Variants in SLC24A4 observed in about 807,000 individuals in gnomAD.
SLC24A4 encodes the protein solute carrier family 24 member 4.
Under a neutral mutation model 79.0 loss-of-function variants are expected in SLC24A4, and 53 were observed. The observed-to-expected ratio is 0.67, with a 90% CI of 0.54 to 0.84. The LOEUF (loss-of-function observed/expected upper bound fraction) is 0.84. Ranked by LOEUF, SLC24A4 falls within the 40% of genes least tolerant of loss-of-function variation. The pLI is 0.00. For missense variants in SLC24A4, 731 were observed against 822.0 expected, an observed-to-expected ratio of 0.89 and a Z score of 1.35; for synonymous variants, 323 against 323.8, an observed-to-expected ratio of 1.00 and a Z score of 0.03.
At position 92,493,771 on chromosome 14, in the gene SLC24A4, G is replaced by C. The variant is rs552179985; in HGVS notation, c.*143G>C. The stretch of plus-strand genomic sequence containing the variant: ...ACACACTGGAAGGAAGAGCCATCGT[G>C]GTCTTTGTCTGGCCACAGGCCAGGC... On this transcript the variant is annotated 3_prime_UTR_variant, in exon 17 of 17. Coordinates refer to ENST00000532405, the MANE Select transcript of SLC24A4 (RefSeq NM_153646.4). 6 of 1,028,842 alleles carry C rather than the reference G, an allele frequency of 5.8e-6. No homozygotes were observed. The highest frequency in any genetic ancestry group is 2.6e-5 in the East Asian group (1 of 37,980). 63.7% of individuals were successfully genotyped at this position (1,028,842 alleles called of 1,614,324 possible). A position where few individuals can be genotyped will look rare whatever the true frequency, so the allele number is the denominator to read the frequency against.
At chr14:92,364,737 G>A (rs551406430) in intron 2 of SLC24A4, among the ~76,000 whole-genome samples, 1 of 152,322 alleles carries the variant, frequency 6.6e-6, no homozygotes, top group South Asian at 2.1e-4. Context: ...ATCACCCAGA[G>A]GATCTCAGAG....
chr14:92,444,581 G>A (rs1053171254), intron 7 of SLC24A4, among the ~76,000 whole-genome samples: 15 of 152,206 alleles, frequency 9.9e-5, no homozygotes, highest in African/African-American at 2.9e-4. Context: ...AAGGCTGGGC[G>A]CGGTGGCTCA....
At chr14:92,340,591 G>T (rs1005371491) in intron 2 of SLC24A4, among the ~76,000 whole-genome samples, 71 of 152,262 alleles carry the variant, frequency 4.7e-4, no homozygotes, top group East Asian at 9.7e-4. Context: ...ACCTGCAGGG[G>T]GCTGGGCTTT....
At chr14:92,363,584 C>A (rs1350543075) in intron 2 of SLC24A4, among the ~76,000 whole-genome samples, 1 of 152,216 alleles carries the variant, frequency 6.6e-6, no homozygotes, top group East Asian at 1.9e-4. Flanking sequence ...GTAATCCCAG[C>A]ATTTTGGGAG....
chr14:92,384,651 G>A (rs1262040088), intron 2 of SLC24A4, among the ~76,000 whole-genome samples: 4 of 152,168 alleles, frequency 2.6e-5, no homozygotes, highest in Non-Finnish European at 5.9e-5. Flanking sequence ...CATGGAGGTG[G>A]CATTTTAAGC....
At chr14:92,334,405 A>G (rs1201707799) in intron 2 of SLC24A4, among the ~76,000 whole-genome samples, 1 of 152,172 alleles carries the variant, frequency 6.6e-6, no homozygotes, top group East Asian at 1.9e-4. Context: ...GGCACCCGGC[A>G]TCACTGTGCC....
chr14:92,474,993 C>T (rs1359149930), intron 12 of SLC24A4, among the ~76,000 whole-genome samples: 2 of 150,688 alleles, frequency 1.3e-5, no homozygotes, highest in Non-Finnish European at 3.0e-5. Flanking sequence ...CCACCGTGCC[C>T]GGCCTATATT....
chr14:92,364,066 G>A (rs1382222531), intron 2 of SLC24A4, among the ~76,000 whole-genome samples: 2 of 152,112 alleles, frequency 1.3e-5, no homozygotes. Context: ...CAGGGTACAT[G>A]GCAGCTCCCC....
At chr14:92,414,557 G>A (rs1890881651) in intron 2 of SLC24A4, among the ~76,000 whole-genome samples, 1 of 152,114 alleles carries the variant, frequency 6.6e-6, no homozygotes, top group South Asian at 2.1e-4. Flanking sequence ...GTGACACAGT[G>A]AGACCCCAGC....
chr14:92,369,560 A>G (rs1351224554), intron 2 of SLC24A4, among the ~76,000 whole-genome samples: 1 of 152,230 alleles, frequency 6.6e-6, no homozygotes, highest in African/African-American at 2.4e-5. Flanking sequence ...TGTAAAACGT[A>G]TTTTTGGAAT....
At chr14:92,432,615 A>G (rs1196419286) in intron 2 of SLC24A4, among the ~76,000 whole-genome samples, 1 of 152,218 alleles carries the variant, frequency 6.6e-6, no homozygotes, top group Non-Finnish European at 1.5e-5. Context: ...AACCGACAGC[A>G]GCAACTCTAT....
rs1265518114 is a variant in SLC24A4, at chr14:92,456,497, G to A, written c.1144G>A (p.Glu382Lys). ...CATTGAGAACGGGAATGTTCCTGTG[G>A]AAAACCCCGAAGACCCTCAGCAGAA... ...ENIENGNVPV[E>K]NPEDPQQNQE... The change falls in exon 12 of 17, where the codon GAA (glutamate) becomes AAA (lysine). Residue 382 changes from glutamate (E) to lysine (K), a missense_variant. By Grantham distance (56) the Glu-to-Lys change is moderately conservative. Coordinates refer to ENST00000532405, the MANE Select transcript of SLC24A4 (RefSeq NM_153646.4). 2 of 1,614,168 alleles carry A rather than the reference G, an allele frequency of 1.2e-6. No individual in the cohort carries two copies. Among genetic ancestry groups the A allele is most frequent in the Admixed American group, 3.3e-5 (2 of 60,020 alleles).
At chr14:92,470,190 C>T (rs929230156) in intron 12 of SLC24A4, among the ~76,000 whole-genome samples, 2 of 152,194 alleles carry the variant, frequency 1.3e-5, no homozygotes, top group African/African-American at 4.8e-5. Context: ...CAACTCCCTT[C>T]TCCTCTAGTC....
chr14:92,374,723 G>C (rs968176154), intron 2 of SLC24A4, among the ~76,000 whole-genome samples: 1 of 152,124 alleles, frequency 6.6e-6, no homozygotes, highest in Non-Finnish European at 1.5e-5. Flanking sequence ...GTATACTAAG[G>C]CTTAAAAAAT....
intron 2 of SLC24A4, among the ~76,000 whole-genome samples, chr14:92,336,889 CCCT>C (rs1885839336): frequency 6.6e-6 from 1 of 152,144 alleles, no homozygotes; most frequent in African/African-American, 2.4e-5. Context: ...TGAAACTGCC[CCCT>C]GAGAAATCGC....
intron 7 of SLC24A4, among the ~76,000 whole-genome samples, chr14:92,444,081 C>T (rs1330922802): frequency 2.6e-5 from 4 of 152,178 alleles, no homozygotes; most frequent in South Asian, 2.1e-4. Flanking sequence ...ATGAATGTCA[C>T]GCAGTGGGAG....
intron 2 of SLC24A4, among the ~76,000 whole-genome samples, chr14:92,362,842 G>C (rs7342564): frequency 0.94 from 142,787 of 152,280 alleles, 67,647 homozygotes; most frequent in East Asian, 1. Context: ...CGCAGAGAGA[G>C]GCGGCAGCTC....
chr14:92,374,535 G>A (rs1050775359), intron 2 of SLC24A4, among the ~76,000 whole-genome samples: 6 of 152,166 alleles, frequency 3.9e-5, no homozygotes, highest in African/African-American at 1.2e-4. Flanking sequence ...CCTGTCAGAC[G>A]GGGGCTGAGC....
intron 12 of SLC24A4, among the ~76,000 whole-genome samples, chr14:92,477,463 TTTG>T (rs1180938299): frequency 6.6e-6 from 1 of 152,160 alleles, no homozygotes; most frequent in Non-Finnish European, 1.5e-5. Context: ...TGTTGTTGTT[TTTG>T]TTGTTGTTGT....
Sources: allele counts gnomAD v4.1 joint callset (sites outside exome capture counted in the v4.1 genomes callset), GRCh38; gene constraint gnomAD v4.1.1; transcripts MANE v1.5; gene names NCBI Gene and HGNC (gene_info 2026-07-23, HGNC 2026-07-21).